Variants in ORC2 observed in about 807,000 individuals in gnomAD.
ORC2 encodes origin recognition complex subunit 2, also known as origin recognition complex protein 2 homolog.
A neutral mutation model predicts 77.7 loss-of-function variants in ORC2; 37 were observed. That is an observed-to-expected ratio of 0.48 (90% CI 0.37 to 0.63). The LOEUF (loss-of-function observed/expected upper bound fraction) is 0.63, where lower values mean the gene tolerates loss of function less well. ORC2 is among the 20% of genes least tolerant of loss of function. The pLI is 0.00. For synonymous variants in ORC2, 201 were observed against 229.5 expected, an observed-to-expected ratio of 0.88 and a Z score of 1.12; for missense variants, 557 against 661.9, an observed-to-expected ratio of 0.84 and a Z score of 1.74.
At chr2:200,928,556 G>A (rs1286510491) in intron 11 of ORC2, among the ~76,000 whole-genome samples, 1 of 152,108 alleles carries the variant, frequency 6.6e-6, no homozygotes, top group African/African-American at 2.4e-5. Flanking sequence ...GCTCACGCCT[G>A]TAATCCCAGC....
At chr2:200,935,621 T>C in intron 9 of ORC2, 78 bp downstream of exon 9, 2 of 945,034 alleles carry the variant, frequency 2.1e-6, no homozygotes, top group South Asian at 1.9e-5. Context: ...TTTTGAGAGA[T>C]GTGGATCTCT....
intron 11 of ORC2, among the ~76,000 whole-genome samples, chr2:200,929,098 T>C (rs1259681280): frequency 1.3e-5 from 2 of 152,002 alleles, no homozygotes; most frequent in African/African-American, 2.4e-5. Flanking sequence ...ATTACAGGCA[T>C]GCACCACTAA....
intron 4 of ORC2, among the ~76,000 whole-genome samples, chr2:200,953,812 G>A (rs963437393): frequency 8.5e-5 from 13 of 152,094 alleles, no homozygotes; most frequent in African/African-American, 2.9e-4. Flanking sequence ...TGGTTCAGAT[G>A]CTAAGCTTTT....
chr2:200,920,513 T>C, intron 14 of ORC2, 120 bp from the exon 15 acceptor site: 1 of 693,232 alleles, frequency 1.4e-6, no homozygotes, highest in East Asian at 3.0e-5. Flanking sequence ...AAGTTTTTCA[T>C]TTTTGCCACT....
At chr2:200,950,267 G>T (rs552644253) in intron 4 of ORC2, among the ~76,000 whole-genome samples, 192 of 152,266 alleles carry the variant, frequency 1.3e-3, no homozygotes, top group Non-Finnish European at 2.1e-3. Flanking sequence ...GGAGGCAGAG[G>T]TTGCGGTGAG....
chr2:200,935,026 C>A (rs1299438697), intron 9 of ORC2, among the ~76,000 whole-genome samples: 2 of 152,236 alleles, frequency 1.3e-5, no homozygotes, highest in African/African-American at 4.8e-5. Flanking sequence ...ACAAGATACA[C>A]TGAGAACTCA....
At chr2:200,916,162 A>G (rs1575150089) in intron 15 of ORC2, among the ~76,000 whole-genome samples, 1 of 152,174 alleles carries the variant, frequency 6.6e-6, no homozygotes, top group Non-Finnish European at 1.5e-5. Flanking sequence ...GCTAGCACAC[A>G]GACATTTAGG....
intron 15 of ORC2, among the ~76,000 whole-genome samples, chr2:200,914,764 G>A (rs1213414056): frequency 6.6e-6 from 1 of 151,952 alleles, no homozygotes; most frequent in African/African-American, 2.4e-5. Flanking sequence ...AAATATGAAA[G>A]TATTTTTTTC....
intron 10 of ORC2, 140 bp from the exon 11 acceptor site, chr2:200,931,588 A>G (rs2040942051): frequency 6.8e-6 from 3 of 443,930 alleles, no homozygotes; most frequent in Admixed American, 4.3e-5. Context: ...GGCAATGAGT[A>G]TATCAACCGA....
chr2:200,920,997 A>G lies in ORC2; in HGVS notation c.1290T>C (p.Pro430=). ...LIASIDHLNA[P]LMWDHAKQSL... ...AAATAGTAACAATTAACTTACTGAG[A>G]GGAGCATTGAGGTGGTCAATGGATG... The change falls in exon 14 of 18, where the codon CCT becomes CCC. Residue 430 remains proline (P), a synonymous_variant. Transcript: ENST00000234296. 6.4e-7 allele frequency: 1 copy of G among 1,561,466 alleles called. No individual in the cohort carries two copies. Among genetic ancestry groups the G allele is most frequent in the Non-Finnish European group, 8.7e-7 (1 of 1,153,166 alleles).
In ORC2 at chr2:200,921,103, A is replaced by C; in HGVS notation, c.1184T>G (p.Leu395Trp). ...SLELFLLIHN[L>W]DSQMLRGEKS... ...CTCTCCTCTCAACATCTGGCTATCC[A>C]AATTGTGGATGAGAAGGAAGAGTTC... is the stretch of plus-strand genomic sequence containing the variant. The change falls in exon 14 of 18, where the codon TTG becomes TGG. Residue 395 changes from leucine to tryptophan, a missense_variant. Leu to Trp is a moderately conservative substitution (Grantham distance 61, BLOSUM62 -2). Coordinates refer to ENST00000234296, the MANE Select transcript of ORC2 (RefSeq NM_006190.5). The C allele has an allele frequency of 6.2e-7, 1 of 1,606,318 alleles. No homozygotes were observed. Among genetic ancestry groups the C allele is most frequent in the Middle Eastern group, 1.7e-4 (1 of 6,038 alleles).
At chr2:200,926,530 T>C (rs189762791) in intron 12 of ORC2, among the ~76,000 whole-genome samples, 2 of 152,324 alleles carry the variant, frequency 1.3e-5, no homozygotes, top group Admixed American at 6.5e-5. Context: ...TGATACTCAG[T>C]ATAGTAAACA....
intron 11 of ORC2, among the ~76,000 whole-genome samples, chr2:200,930,164 A>G (rs1452123911): frequency 1.3e-5 from 2 of 152,072 alleles, no homozygotes; most frequent in Non-Finnish European, 2.9e-5. Context: ...CAGAAACAGT[A>G]TTTATGTGAT....
chr2:200,920,193 T>A lies in ORC2; in HGVS notation c.1466+29A>T, dbSNP rs769813999. The A allele has an allele frequency of 8.9e-6, 14 of 1,578,646 alleles. No homozygotes were observed. The South Asian group carries it at 1.4e-4, about 15-fold the overall frequency. On this transcript the variant is annotated intron_variant, in intron 15 of 17. Transcript: ENST00000234296. The stretch of plus-strand genomic sequence containing the variant: ...TACATATCTTAAAATGTATAGTTTT[T>A]AAAAAAGAAATATGGTTTTCATCCT...
In ORC2 at chr2:200,957,525, C is replaced by T. The variant is rs1407839844; in HGVS notation, c.114G>A (p.Glu38=). ...TGGGGTTGACCAAAAGCTGCGCTCG[C>T]TCCTTCTTCAATTTAGCTCCTATAA... ...DREGGAKLKK[E]RAQLLVNPKK... Residue 38 remains glutamate, a synonymous_variant, in exon 4 of 18, where the codon GAG becomes GAA. Transcript: ENST00000234296. 7 of 1,604,654 alleles carry T rather than the reference C, an allele frequency of 4.4e-6. No individual in the cohort carries two copies. The highest frequency in any genetic ancestry group is 1.7e-4 in the Middle Eastern group (1 of 6,042).
At chr2:200,937,316 T>C (rs1357068044) in intron 8 of ORC2, among the ~76,000 whole-genome samples, 1 of 152,218 alleles carries the variant, frequency 6.6e-6, no homozygotes, top group Non-Finnish European at 1.5e-5. Context: ...TACCAAATCA[T>C]TTAGCATTAC....
rs370669334 is a variant in ORC2, at chr2:200,913,309, T to G, written c.1633A>C (p.Ile545Leu). 4 of 1,596,314 alleles carry G rather than the reference T, an allele frequency of 2.5e-6. No individual in the cohort carries two copies. Among genetic ancestry groups the G allele is most frequent in the Non-Finnish European group, 3.4e-6 (4 of 1,168,596 alleles). ...QLTEFRDHKL[I>L]RTKKGTDGVE... ...TGGAGTCTTACCTTCTTTGTTCTTA[T>G]AAGCTTGTGGTCCCTAAATTCAGTT... Residue 545 changes from isoleucine (I) to leucine (L), a missense_variant, in exon 17 of 18, where the codon ATA becomes CTA. Coordinates refer to ENST00000234296, the MANE Select transcript of ORC2 (RefSeq NM_006190.5).
At chr2:200,949,304 G>C (rs941226075) in intron 5 of ORC2, among the ~76,000 whole-genome samples, 4 of 150,702 alleles carry the variant, frequency 2.7e-5, no homozygotes, top group African/African-American at 9.7e-5. Context: ...AACAAAGACT[G>C]TGCACATACT....
intron 1 of ORC2, among the ~76,000 whole-genome samples, chr2:200,961,806 C>G (rs546574462): frequency 1.3e-5 from 2 of 152,236 alleles, no homozygotes; most frequent in South Asian, 4.1e-4. Context: ...AAAATAAAAT[C>G]ACACAATGAA....
Sources: allele counts gnomAD v4.1 joint callset (sites outside exome capture counted in the v4.1 genomes callset), GRCh38; gene constraint gnomAD v4.1.1; transcripts MANE v1.5; gene names NCBI Gene and HGNC (gene_info 2026-07-23, HGNC 2026-07-21).